The following SPIDR variants were observed in gnomAD, a reference collection of about 807,000 sequenced individuals.
The protein encoded by SPIDR is DNA repair-scaffolding protein.
SPIDR carries 93 observed loss-of-function variants against 104.6 expected under a neutral mutation model. The ratio of observed to expected loss-of-function variants is 0.89; its 90% confidence interval spans 0.75 to 1.06. The LOEUF is 1.06. Ranked by LOEUF, SPIDR falls within the 50% of genes least tolerant of loss-of-function variation. SPIDR has a pLI of 0.00. For synonymous variants in SPIDR, 431 were observed against 416.9 expected (o/e 1.03, Z -0.41); for missense variants, 1,154 against 1,111.2 (o/e 1.04, Z -0.55).
At chr8:47,405,066 A>C (rs989859032) in intron 6 of SPIDR, among the ~76,000 whole-genome samples, 4 of 152,158 alleles carry the variant, frequency 2.6e-5, no homozygotes, top group Non-Finnish European at 1.5e-5. Context: ...GACATGGATG[A>C]AGCTGGAAAC....
Position 47,354,712 on chromosome 8 carries a change from G to C in SPIDR, c.526-41664G>C, listed in dbSNP as rs554756816. 2.0e-5 allele frequency among the ~76,000 whole-genome samples: 3 copies of C among 152,064 alleles called. No individual in the cohort carries two copies. The South Asian group carries it at 6.2e-4, about 32-fold the overall frequency. ...GCTGAAGTGCAGTGATGCAGTCATA[G>C]CACACTGCAGTCTTGAATTCTTGGG... On this transcript the variant is annotated intron_variant, in intron 5 of 19. Transcript: ENST00000297423.
At chr8:47,408,852 G>A (rs992922026) in intron 7 of SPIDR, among the ~76,000 whole-genome samples, 6 of 152,090 alleles carry the variant, frequency 3.9e-5, no homozygotes, top group Non-Finnish European at 8.8e-5. Flanking sequence ...CTTTTCTCTT[G>A]GAAATTAAGA....
rs540127549 is a variant in SPIDR at position 47,679,952 on chromosome 8, T to C, written c.1685+6011T>C. 2.0e-5 allele frequency among the ~76,000 whole-genome samples: 3 copies of C among 152,370 alleles called. No individual in the cohort carries two copies. In the East Asian group the frequency reaches 5.8e-4, roughly 29 times the overall value. On this transcript the variant is annotated intron_variant, in intron 11 of 19. Transcript: ENST00000297423. The stretch of plus-strand genomic sequence containing the variant: ...TTTTCTTGGGTTAATCTTAGAACTT[T>C]TGTCAGCAAGATTTAAATGTGTGTT...
chr8:47,697,448 T>C (rs2154481302), intron 11 of SPIDR, among the ~76,000 whole-genome samples: 1 of 152,358 alleles, frequency 6.6e-6, no homozygotes, highest in Admixed American at 6.5e-5. Flanking sequence ...GATCTTGATA[T>C]CTTTCCACTT....
intron 8 of SPIDR, among the ~76,000 whole-genome samples, chr8:47,500,737 T>C (rs1410491327): frequency 1.3e-5 from 2 of 152,228 alleles, no homozygotes; most frequent in Non-Finnish European, 2.9e-5. Flanking sequence ...TCCTGAATGG[T>C]ATTGCCTAGG....
chr8:47,666,516 A>G (rs2074954487), intron 10 of SPIDR, among the ~76,000 whole-genome samples: 1 of 152,202 alleles, frequency 6.6e-6, no homozygotes, highest in South Asian at 2.1e-4. Flanking sequence ...ATTTCATTTT[A>G]TTGTTAGTTT....
Position 47,600,647 on chromosome 8 carries a change from C to T in SPIDR, c.1544+1451C>T, listed in dbSNP as rs535719809. Among the ~76,000 whole-genome samples, 27 of 152,198 alleles carry T rather than the reference C, an allele frequency of 1.8e-4. 1 individual carries two copies. The highest frequency in any genetic ancestry group is 6.5e-4 in the African/African-American group (27 of 41,520). ...TGTAGACCAGTCTTCTACCCTTTGC[C>T]CTAAATCTGTGGTAAATTTATATAG... On this transcript the variant is annotated intron_variant, in intron 10 of 19. Transcript: ENST00000297423.
At chr8:47,605,595 T>G (rs114008168) in intron 10 of SPIDR, among the ~76,000 whole-genome samples, 45 of 152,288 alleles carry the variant, frequency 3.0e-4, no homozygotes, top group African/African-American at 1.1e-3. Context: ...ACAAAAAATC[T>G]GGAATCAGAC....
rs78280962 is a variant in SPIDR at position 47,694,333 on chromosome 8, G to A, written c.1686-6070G>A. On this transcript the variant is annotated intron_variant, in intron 11 of 19. Coordinates refer to ENST00000297423, the MANE Select transcript of SPIDR (RefSeq NM_001080394.4). ...CTGAAAAGTCTGTTGTCTCTGGCAC[G>A]TAGAGACCCTGCTGTGTGGGGGAAG... 3.2e-3 allele frequency among the ~76,000 whole-genome samples: 491 copies of A among 152,322 alleles called. 18 individuals are homozygous for A. The East Asian group carries it at 0.079, about 25-fold the overall frequency.
intron 14 of SPIDR, among the ~76,000 whole-genome samples, chr8:47,712,382 A>G (rs1487867658): frequency 6.6e-6 from 1 of 152,174 alleles, no homozygotes; most frequent in African/African-American, 2.4e-5. Flanking sequence ...TCAGGAGGAA[A>G]AGAACAATGG....
chr8:47,280,494 G>A (rs1018418480), intron 2 of SPIDR, among the ~76,000 whole-genome samples: 2 of 151,440 alleles, frequency 1.3e-5, no homozygotes, highest in Non-Finnish European at 2.9e-5. Context: ...CCGGGTTCAA[G>A]CAATTCTCCT....
At chr8:47,564,848 T>C (rs1168897765) in intron 8 of SPIDR, among the ~76,000 whole-genome samples, 2 of 152,218 alleles carry the variant, frequency 1.3e-5, no homozygotes, top group Non-Finnish European at 2.9e-5. Flanking sequence ...AATATTTCCT[T>C]GTTCAACTTG....
chr8:47,416,778 C>T (rs1248247250), intron 7 of SPIDR, among the ~76,000 whole-genome samples: 1 of 152,104 alleles, frequency 6.6e-6, no homozygotes, highest in Non-Finnish European at 1.5e-5. Flanking sequence ...ACCCTGCCCC[C>T]ACCCCACCCA....
intron 10 of SPIDR, among the ~76,000 whole-genome samples, chr8:47,603,509 T>G (rs2062559706): frequency 6.6e-6 from 1 of 151,598 alleles, no homozygotes; most frequent in Admixed American, 6.6e-5. Context: ...TCCTTCCACC[T>G]CAGCCTCCAA....
chr8:47,314,267 G>A (rs782078272), intron 5 of SPIDR, among the ~76,000 whole-genome samples: 6 of 151,924 alleles, frequency 3.9e-5, no homozygotes, highest in African/African-American at 1.5e-4. Flanking sequence ...ATGCAAAGAG[G>A]TGATAACTAA....
intron 8 of SPIDR, among the ~76,000 whole-genome samples, chr8:47,476,078 C>G (rs2076256253): frequency 6.6e-6 from 1 of 152,148 alleles, no homozygotes; most frequent in Admixed American, 6.5e-5. Context: ...TTAAGGGTAG[C>G]CATTGTAACA....
intron 5 of SPIDR, among the ~76,000 whole-genome samples, chr8:47,326,215 A>C (rs1004706276): frequency 6.6e-6 from 1 of 152,136 alleles, no homozygotes; most frequent in Non-Finnish European, 1.5e-5. Context: ...AGGTTTTGCC[A>C]TGTTGCCCAG....
intron 8 of SPIDR, among the ~76,000 whole-genome samples, chr8:47,456,279 G>A (rs1262530067): frequency 2.0e-5 from 3 of 152,144 alleles, no homozygotes; most frequent in African/African-American, 7.2e-5. Context: ...TAGAGAAAGT[G>A]CCATGTGGGG....
chr8:47,279,571 A>ACTTTC (rs2037308167), intron 1 of SPIDR: 2 of 259,296 alleles, frequency 7.7e-6, no homozygotes, highest in Admixed American at 4.9e-5. Context: ...TGACTCTCTT[A>ACTTTC]CTTTCCTTGG....
Sources: allele counts gnomAD v4.1 joint callset (sites outside exome capture counted in the v4.1 genomes callset), GRCh38; gene constraint gnomAD v4.1.1; transcripts MANE v1.5; gene names NCBI Gene and HGNC (gene_info 2026-07-23, HGNC 2026-07-21).